The following VWF variants were observed in gnomAD, a reference collection of about 807,000 sequenced individuals.
VWF encodes von Willebrand factor, also known as Factor VIII related antigen.
VWF carries 176 observed loss-of-function variants against 308.6 expected under a neutral mutation model. That is an observed-to-expected ratio of 0.57 (90% CI 0.50 to 0.65). VWF has a LOEUF of 0.65. Among genes scored for constraint, VWF ranks in the 30% least tolerant of loss-of-function variants. The pLI is 0.00. For missense variants in VWF, 3,146 were observed against 3,648.2 expected (o/e 0.86, Z 3.55); for synonymous variants, 1,385 against 1,443.4 (o/e 0.96, Z 0.92).
chr12:5,952,530 A>G lies in VWF; in HGVS notation c.7987-11T>C. 1.9e-6 allele frequency: 3 copies of G among 1,613,100 alleles called. No homozygotes were observed. The highest frequency in any genetic ancestry group is 2.5e-6 in the Non-Finnish European group (3 of 1,179,386). ...GAGCGTCTCATCACGCTGGAAGGAAAGAGGAGTGGGTAAAGTCAGAGACAG... is the reference window on the plus strand; with the variant it reads ...GAGCGTCTCATCACGCTGGAAGGAAGGAGGAGTGGGTAAAGTCAGAGACAG... On this transcript the variant is annotated splice_polypyrimidine_tract_variant and intron_variant, in intron 48 of 51. Coordinates refer to ENST00000261405, the MANE Select transcript of VWF (RefSeq NM_000552.5).
At chr12:5,949,340 C>A in intron 51 of VWF, 137 bp from the exon 52 acceptor site, 5 of 814,044 alleles carry the variant, frequency 6.1e-6, no homozygotes, top group South Asian at 5.8e-5. Context: ...GCACCCAGGA[C>A]AGCTAGGCAA....
Position 5,967,587 on chromosome 12 carries a change from T to C in VWF, c.7786A>G (p.Met2596Val). Residue 2596 changes from methionine to valine, a missense_variant, in exon 47 of 52, where the codon ATG (methionine) becomes GTG (valine). By Grantham distance (21) the Met-to-Val change is conservative. Coordinates refer to ENST00000261405, the MANE Select transcript of VWF (RefSeq NM_000552.5). ...GTVIGPGKTV[M>V]IDVCTTCRCM... ...CGGCAGGTCGTGCACACATCGATCA[T>C]CACAGTCTTCCCGGGCTGGAAGCAG... 6.2e-7 allele frequency: 1 copy of C among 1,613,834 alleles called. No homozygotes were observed. The highest frequency in any genetic ancestry group is 8.5e-7 in the Non-Finnish European group (1 of 1,179,994).
At chr12:6,115,978 C>T (rs189331826) in intron 3 of VWF, among the ~76,000 whole-genome samples, 3 of 152,316 alleles carry the variant, frequency 2.0e-5, no homozygotes, top group South Asian at 2.1e-4. Context: ...AACAGGGCAT[C>T]GGAGTGTTCT....
intron 38 of VWF, among the ~76,000 whole-genome samples, chr12:5,990,744 A>G (rs1443101910): frequency 6.6e-6 from 1 of 151,852 alleles, no homozygotes; most frequent in Non-Finnish European, 1.5e-5. Context: ...ACAGACACAC[A>G]CTGCCCCAGA....
intron 10 of VWF, among the ~76,000 whole-genome samples, chr12:6,068,304 C>T (rs1252234366): frequency 1.3e-5 from 2 of 152,062 alleles, no homozygotes; most frequent in Non-Finnish European, 2.9e-5. Flanking sequence ...ACGCGGCTGC[C>T]CTGCTCCAGA....
chr12:6,037,486 T>C (rs1406269244), intron 18 of VWF, among the ~76,000 whole-genome samples: 1 of 152,118 alleles, frequency 6.6e-6, no homozygotes, highest in East Asian at 1.9e-4. Context: ...GAAACTACTT[T>C]CGTGAGCATG....
chr12:6,108,330 T>TACACACAC (rs1230831714), intron 5 of VWF, among the ~76,000 whole-genome samples: 31 of 50,456 alleles, frequency 6.1e-4, no homozygotes, highest in African/African-American at 1.6e-3. Flanking sequence ...AAGAAAGAAA[T>TACACACAC]ATATACACAC....
intron 47 of VWF, chr12:5,953,969 T>G: frequency 4.1e-6 from 1 of 244,188 alleles, no homozygotes; most frequent in Non-Finnish European, 8.1e-6. Context: ...CCTATTTTGG[T>G]AAGTGGCGTT....
chr12:6,066,238 A>G (rs1944712725), intron 10 of VWF, among the ~76,000 whole-genome samples: 2 of 152,168 alleles, frequency 1.3e-5, no homozygotes, highest in African/African-American at 4.8e-5. Context: ...GCCTCTGCCA[A>G]TGTCTCCAGT....
chr12:5,964,224 ATAC>A (rs1271875063), intron 47 of VWF, among the ~76,000 whole-genome samples: 12 of 134,350 alleles, frequency 8.9e-5, no homozygotes, highest in African/African-American at 4.0e-4. Context: ...CTAAAAATAC[ATAC>A]ATACATACAT....
At chr12:6,016,484 C>T (rs1234784288) in intron 30 of VWF, 32 bp downstream of exon 30, 39 of 1,606,972 alleles carry the variant, frequency 2.4e-5, no homozygotes, top group Non-Finnish European at 3.0e-5. Flanking sequence ...CAGAATGCAG[C>T]TTCTGCATCC....
At position 5,991,829 on chromosome 12, in the gene VWF, A is replaced by T; in HGVS notation, c.6788T>A (p.Val2263Asp). ...ACTQCIGEDG[V>D]QHQFLEAWVP... ...GGCCCAGGCTCCTACCTGGTGCTGG[A>T]CTCCATCCTCACCAATGCACTGAGT... Residue 2263 changes from valine (V) to aspartate (D), a missense_variant, in exon 38 of 52, where the codon GTC becomes GAC. By Grantham distance (152) the Val-to-Asp change is radical. Transcript: ENST00000261405. 6.2e-7 allele frequency: 1 copy of T among 1,614,034 alleles called. No individual in the cohort carries two copies. The highest frequency in any genetic ancestry group is 8.5e-7 in the Non-Finnish European group (1 of 1,180,010).
chr12:5,963,264 TAATC>T (rs1943339625), intron 47 of VWF, among the ~76,000 whole-genome samples: 1 of 152,162 alleles, frequency 6.6e-6, no homozygotes, highest in Non-Finnish European at 1.5e-5. Context: ...AAAAAACTCA[TAATC>T]AATCATTAAA....
At chr12:5,995,028 T>C (rs1433562178) in intron 35 of VWF, among the ~76,000 whole-genome samples, 1 of 152,238 alleles carries the variant, frequency 6.6e-6, no homozygotes, top group East Asian at 1.9e-4. Flanking sequence ...TTTGCTTCTC[T>C]GTGGTGGTGG....
chr12:6,122,911 C>T (rs774328316), intron 2 of VWF: 3 of 748,508 alleles, frequency 4.0e-6, no homozygotes, highest in Non-Finnish European at 7.3e-6. Context: ...AGTTCTGTGC[C>T]ACCTTTATGC....
intron 35 of VWF, among the ~76,000 whole-genome samples, 159 bp downstream of exon 35, chr12:5,995,843 G>T (rs1484224076): frequency 6.6e-6 from 1 of 152,114 alleles, no homozygotes; most frequent in Non-Finnish European, 1.5e-5. Flanking sequence ...CAAGGGGATG[G>T]CAATAAACCC....
At chr12:6,045,910 C>T (rs774437888) in intron 17 of VWF, among the ~76,000 whole-genome samples, 2 of 152,182 alleles carry the variant, frequency 1.3e-5, no homozygotes, top group African/African-American at 2.4e-5. Context: ...CCCCTTCTCC[C>T]TTCCATGCCT....
intron 21 of VWF, 82 bp from the exon 22 acceptor site, chr12:6,029,570 C>A: frequency 3.8e-6 from 6 of 1,569,218 alleles, no homozygotes; most frequent in South Asian, 1.1e-5. Context: ...TACACCTGCC[C>A]ATCTGTCTTC....
intron 6 of VWF, among the ~76,000 whole-genome samples, chr12:6,088,994 C>A (rs1945003554): frequency 6.6e-6 from 1 of 152,086 alleles, no homozygotes; most frequent in Non-Finnish European, 1.5e-5. Flanking sequence ...ACAGAAAGCA[C>A]CAGAGGGTTG....
Sources: gnomAD v4.1 joint callset for allele counts (sites outside exome capture counted in the v4.1 genomes callset) on GRCh38, gnomAD v4.1.1 for gene constraint, MANE v1.5 for transcripts, NCBI Gene and HGNC (gene_info 2026-07-23, HGNC 2026-07-21) for gene names.